Variants in SELENOI observed in about 807,000 individuals in gnomAD.
SELENOI encodes the protein selenoprotein I.
SELENOI carries 24 observed loss-of-function variants against 50.7 expected under a neutral mutation model. The ratio of observed to expected loss-of-function variants is 0.47; its 90% CI spans 0.34 to 0.67. The LOEUF (loss-of-function observed/expected upper bound fraction) is 0.67, where lower values mean the gene tolerates loss of function less well. Among genes scored for constraint, SELENOI ranks in the 30% least tolerant of loss-of-function variants. The pLI, the probability that SELENOI is intolerant of heterozygous loss-of-function variation, is 0.01. For missense variants in SELENOI, 352 were observed against 461.4 expected, an observed-to-expected ratio of 0.76 and a Z score of 2.17; for synonymous variants, 155 against 170.2, an observed-to-expected ratio of 0.91 and a Z score of 0.70.
rs1283578744 is a variant in SELENOI at position 26,386,452 on chromosome 2, A to T, written c.1011A>T (p.Gly337=). 2 of 1,613,886 alleles carry T rather than the reference A, an allele frequency of 1.2e-6. No individual in the cohort carries two copies. The highest frequency in any genetic ancestry group is 3.3e-5 in the Admixed American group (2 of 60,018). ...LFLVVLVVNL[G]VASYVESILL... Reference sequence around the variant, plus strand: ...TGGTTGTCTTAGTGGTAAACCTAGGAGTAGCCTCTTACGTTGAGAGCATTC... The same window carrying T: ...TGGTTGTCTTAGTGGTAAACCTAGGTGTAGCCTCTTACGTTGAGAGCATTC... The change falls in exon 9 of 10, where the codon GGA becomes GGT. Residue 337 remains glycine (G), a synonymous_variant. Transcript: ENST00000260585.
chr2:26,375,176 T>G (rs1157783006), intron 6 of SELENOI, 28 bp downstream of exon 6: 2 of 1,422,968 alleles, frequency 1.4e-6, no homozygotes, highest in Non-Finnish European at 2.0e-6. Context: ...GAAGCCTGTT[T>G]TAACCATCAC....
intron 5 of SELENOI, 25 bp from the exon 6 acceptor site, chr2:26,375,015 G>A (rs1377355343): frequency 3.3e-6 from 5 of 1,494,560 alleles, no homozygotes; most frequent in East Asian, 2.3e-5. Context: ...GCTTCTGTAT[G>A]CTTTTGTCTG....
chr2:26,356,450 C>T (rs1292157180), intron 1 of SELENOI, among the ~76,000 whole-genome samples: 2 of 152,206 alleles, frequency 1.3e-5, no homozygotes, highest in African/African-American at 4.8e-5. Context: ...GATTTAAATA[C>T]ATGTATAAAG....
intron 1 of SELENOI, among the ~76,000 whole-genome samples, chr2:26,357,697 T>C (rs1403964468): frequency 6.6e-6 from 1 of 152,218 alleles, no homozygotes. Flanking sequence ...CCTTGTCCTC[T>C]TCTTACATAA....
chr2:26,357,923 T>A (rs546550775), intron 1 of SELENOI, among the ~76,000 whole-genome samples: 1 of 152,178 alleles, frequency 6.6e-6, no homozygotes, highest in Non-Finnish European at 1.5e-5. Context: ...TCCTCCATAC[T>A]GTTTTTGTGG....
intron 9 of SELENOI, among the ~76,000 whole-genome samples, chr2:26,387,270 T>G (rs1438081952): frequency 1.3e-5 from 2 of 152,202 alleles, no homozygotes; most frequent in African/African-American, 4.8e-5. Context: ...TTTAACATTC[T>G]TTTCTAATTA....
intron 6 of SELENOI, among the ~76,000 whole-genome samples, chr2:26,377,846 A>G (rs896059020): frequency 1.3e-5 from 2 of 150,982 alleles, no homozygotes; most frequent in Admixed American, 1.3e-4. Flanking sequence ...TTTTTTTTCT[A>G]TTTCTTTGCA....
chr2:26,356,160 A>T (rs1195339528), intron 1 of SELENOI, among the ~76,000 whole-genome samples: 1 of 152,034 alleles, frequency 6.6e-6, no homozygotes, highest in African/African-American at 2.4e-5. Flanking sequence ...AAGTTTAGCG[A>T]TGTTTTGTTT....
intron 1 of SELENOI, among the ~76,000 whole-genome samples, chr2:26,353,996 A>G (rs1240686747): frequency 6.6e-6 from 1 of 152,192 alleles, no homozygotes; most frequent in African/African-American, 2.4e-5. Context: ...AGCACAAGGA[A>G]GTGGCGGGTG....
chr2:26,360,888 G>A (rs1677161608), intron 1 of SELENOI, among the ~76,000 whole-genome samples: 2 of 152,138 alleles, frequency 1.3e-5, no homozygotes. Context: ...GGCTCCAATG[G>A]AGTGATATCT....
chr2:26,349,499 G>A lies in SELENOI; in HGVS notation c.57+3210G>A, dbSNP rs189144431. Among the ~76,000 whole-genome samples, 804 of 148,908 alleles carry A rather than the reference G, an allele frequency of 5.4e-3. 35 individuals are homozygous for A. The South Asian group carries it at 0.085, about 16-fold the overall frequency. ...TTTTTGTATTTTTCTTTGAGACAGGGTTTCACATGTTGGCCAGGCTGGTCT... is the reference window on the plus strand; with the variant it reads ...TTTTTGTATTTTTCTTTGAGACAGGATTTCACATGTTGGCCAGGCTGGTCT... On this transcript the variant is annotated intron_variant, in intron 1 of 9. Transcript: ENST00000260585.
chr2:26,368,790 T>G (rs1034831814), intron 4 of SELENOI, among the ~76,000 whole-genome samples: 1 of 152,210 alleles, frequency 6.6e-6, no homozygotes, highest in East Asian at 1.9e-4. Context: ...GTATAGGAGT[T>G]ACATTGAAAA....
rs1234412473 is a variant in SELENOI, at chr2:26,390,314, T to G, written c.*1211T>G. ...TTTCTTCTATTTCTTTGTCTTCATT[T>G]AATTTGGTGGTGGTGAACTTTACTT... On this transcript the variant is annotated 3_prime_UTR_variant, in exon 10 of 10. Transcript: ENST00000260585. The G allele has an allele frequency of 6.6e-6, 1 of 152,490 alleles. No homozygotes were observed. Among genetic ancestry groups the G allele is most frequent in the Non-Finnish European group, 1.5e-5 (1 of 68,028 alleles). The allele number at this position is 152,490 out of a possible 1,614,324, so 9.4% of individuals were successfully genotyped here.
chr2:26,377,600 C>T (rs1262990104), intron 6 of SELENOI, among the ~76,000 whole-genome samples: 1 of 152,092 alleles, frequency 6.6e-6, no homozygotes, highest in Non-Finnish European at 1.5e-5. Context: ...CCACTGTACT[C>T]CAGCCTGGGC....
rs373640949 is a variant in SELENOI, at chr2:26,358,648, C to T, written c.58-5654C>T. 7.9e-5 allele frequency among the ~76,000 whole-genome samples: 12 copies of T among 152,312 alleles called. No homozygotes were observed. The South Asian group carries it at 2.5e-3, about 32-fold the overall frequency. ...ATGCTGAGAGTTTTGGTAGGAATAG[C>T]TATTTCCTTGGATAACCAAGCCAGG... is the stretch of plus-strand genomic sequence containing the variant. On this transcript the variant is annotated intron_variant, in intron 1 of 9. Transcript: ENST00000260585.
In SELENOI at chr2:26,384,988, A is replaced by G. The variant is rs1248259875; in HGVS notation, c.761A>G (p.Asn254Ser). 2 of 1,608,102 alleles carry G rather than the reference A, an allele frequency of 1.2e-6. No homozygotes were observed. Among genetic ancestry groups the G allele is most frequent in the East Asian group, 2.2e-5 (1 of 44,776 alleles). ...TATAAAAATAACACCTTGAAACTCA[A>G]TTCAGTCTATGAAGCTATGGTTCCC... ...RSYKNNTLKL[N>S]SVYEAMVPLF... The change falls in exon 8 of 10, where the codon AAT becomes AGT. Residue 254 changes from asparagine (N) to serine (S), a missense_variant. Physicochemically the swap from Asn to Ser is conservative, Grantham distance 46. Coordinates refer to ENST00000260585, the MANE Select transcript of SELENOI (RefSeq NM_033505.4).
rs1405988020 is a variant in SELENOI at position 26,373,380 on chromosome 2, A to T, written c.324A>T (p.Gly108=). Residue 108 remains glycine, a synonymous_variant, in exon 5 of 10, where the codon GGA becomes GGT. Coordinates refer to ENST00000260585, the MANE Select transcript of SELENOI (RefSeq NM_033505.4). ...FVAYTLDGVD[G]KQARRTNSST... ...TTTTTGTTGCAGATGGTGTGGACGG[A>T]AAGCAAGCTCGCAGAACCAATTCTA... The T allele has an allele frequency of 1.2e-6, 2 of 1,610,106 alleles. No individual in the cohort carries two copies. The highest frequency in any genetic ancestry group is 1.7e-6 in the Non-Finnish European group (2 of 1,177,760).
chr2:26,366,869 C>T (rs1432136701), intron 3 of SELENOI, among the ~76,000 whole-genome samples: 1 of 152,144 alleles, frequency 6.6e-6, no homozygotes, highest in Non-Finnish European at 1.5e-5. Flanking sequence ...ATTGTAGGCG[C>T]ATGAAAATTA....
intron 1 of SELENOI, among the ~76,000 whole-genome samples, chr2:26,356,768 A>G (rs1459996743): frequency 6.6e-6 from 1 of 152,026 alleles, no homozygotes. Flanking sequence ...ATAAAATCCA[A>G]CTCCCTGTGG....
Sources: gnomAD v4.1 joint callset for allele counts (sites outside exome capture counted in the v4.1 genomes callset) on GRCh38, gnomAD v4.1.1 for gene constraint, MANE v1.5 for transcripts, NCBI Gene and HGNC (gene_info 2026-07-23, HGNC 2026-07-21) for gene names.